Variants in MCM5 observed in about 807,000 individuals in gnomAD.
The protein encoded by MCM5 is minichromosome maintenance complex component 5.
A neutral mutation model predicts 79.9 loss-of-function variants in MCM5; 46 were observed. The ratio of observed to expected loss-of-function variants is 0.58; its 90% CI spans 0.45 to 0.74. The LOEUF (loss-of-function observed/expected upper bound fraction) is 0.74, where lower values mean the gene tolerates loss of function less well. Ranked by LOEUF, MCM5 falls within the 30% of genes least tolerant of loss-of-function variation. The probability of loss-of-function intolerance (pLI) is 0.00; values close to 1 mark genes in which losing one functional copy is unlikely to be tolerated. For missense variants in MCM5, 883 were observed against 1,017.0 expected, an observed-to-expected ratio of 0.87 and a Z score of 1.79; for synonymous variants, 404 against 390.5, an observed-to-expected ratio of 1.03 and a Z score of -0.41.
intron 4 of MCM5, among the ~76,000 whole-genome samples, chr22:35,405,452 T>G (rs1349496871): frequency 6.6e-6 from 1 of 152,116 alleles, no homozygotes; most frequent in Non-Finnish European, 1.5e-5. Flanking sequence ...CTGTAACCCC[T>G]GCTTCCCCGG....
downstream of MCM5, among the ~76,000 whole-genome samples, chr22:35,430,157 G>A (rs754161836): frequency 1.3e-5 from 2 of 152,222 alleles, no homozygotes; most frequent in Non-Finnish European, 2.9e-5. Context: ...GGCCTGCAGA[G>A]AATGGGAGAG....
At chr22:35,454,807 G>A in the MCM5 span, among the ~76,000 whole-genome samples, 1 of 152,080 alleles carries the variant, frequency 6.6e-6, no homozygotes, top group African/African-American at 2.4e-5. Flanking sequence ...TTTGGGCCTG[G>A]ATAAGTCTCC....
intron 1 of MCM5, 96 bp from the exon 2 acceptor site, chr22:35,400,335 C>G (rs1931998609): frequency 1.4e-6 from 2 of 1,427,544 alleles, no homozygotes; most frequent in Non-Finnish European, 2.0e-6. Flanking sequence ...CCGGGGGTCC[C>G]CCTGCTCCGG....
Position 35,424,404 on chromosome 22 carries a change from C to G in MCM5, c.*149C>G. 1.6e-6 allele frequency: 1 copy of G among 608,750 alleles called. No homozygotes were observed. The highest frequency in any genetic ancestry group is 2.8e-6 in the Non-Finnish European group (1 of 355,484). 37.7% of individuals were successfully genotyped at this position (608,750 alleles called of 1,614,324 possible). A position where few individuals can be genotyped will look rare whatever the true frequency, so the allele number is the denominator to read the frequency against. On this transcript the variant is annotated 3_prime_UTR_variant, in exon 17 of 17. Transcript: ENST00000216122. Reference sequence around the variant, plus strand: ...CTCCTTTCTGCCCCAGAGGAAGGAGCTGTAGTGTCCTGCTGCCTCTGGGCG... The same window carrying G: ...CTCCTTTCTGCCCCAGAGGAAGGAGGTGTAGTGTCCTGCTGCCTCTGGGCG...
At position 35,403,585 on chromosome 22, in the gene MCM5, T is replaced by C. The variant is rs766349035; in HGVS notation, c.423+43T>C. ...GGCTGCTGCATGGTGCAGAGGGCTT[T>C]GGATGCAGCCAGACCTGAGTGCTAG... On this transcript the variant is annotated intron_variant, in intron 4 of 16. Transcript: ENST00000216122. The C allele has an allele frequency of 5.0e-6, 8 of 1,604,706 alleles. No homozygotes were observed. In the East Asian group the frequency reaches 1.3e-4, roughly 27 times the overall value.
chr22:35,431,447 G>C, the MCM5 span, among the ~76,000 whole-genome samples: 1 of 152,164 alleles, frequency 6.6e-6, no homozygotes, highest in Non-Finnish European at 1.5e-5. Flanking sequence ...GAAATATTCA[G>C]TTCAAATATA....
At chr22:35,437,613 T>C in the MCM5 span, among the ~76,000 whole-genome samples, 2 of 152,174 alleles carry the variant, frequency 1.3e-5, no homozygotes, top group Non-Finnish European at 2.9e-5. Context: ...CCTGACCTTG[T>C]AACTGAAAGG....
In MCM5 at chr22:35,416,645, TCAC is replaced by T. The variant is rs765051286; in HGVS notation, c.1429_1431del (p.Thr477del). ...TCGTCTGTCGCCTGTTAGGCTGGGA[TCAC>T]CACCACCCTGAACTCCCGCTGCTCC... On this transcript the variant is annotated inframe_deletion, in exon 12 of 17. Coordinates refer to ENST00000216122, the MANE Select transcript of MCM5 (RefSeq NM_006739.4). The T allele has an allele frequency of 6.2e-7, 1 of 1,612,914 alleles. No individual in the cohort carries two copies. Among genetic ancestry groups the T allele is most frequent in the Non-Finnish European group, 8.5e-7 (1 of 1,179,360 alleles).
At chr22:35,421,495 C>G (rs746130631) in intron 15 of MCM5, 35 bp downstream of exon 15, 3 of 1,613,350 alleles carry the variant, frequency 1.9e-6, no homozygotes, top group Non-Finnish European at 2.5e-6. Context: ...CTCAATTGAT[C>G]TGGGTTCCCT....
At chr22:35,416,124 C>T in intron 10 of MCM5, 152 bp downstream of exon 10, 2 of 1,056,298 alleles carry the variant, frequency 1.9e-6, no homozygotes, top group Non-Finnish European at 2.8e-6. Flanking sequence ...AGCTGCTTAA[C>T]CTCTTCAAGC....
Position 35,415,811 on chromosome 22 carries a change from A to G in MCM5, c.1204-18A>G, listed in dbSNP as rs1932523043. 6.2e-7 allele frequency: 1 copy of G among 1,605,974 alleles called. No individual in the cohort carries two copies. The highest frequency in any genetic ancestry group is 8.5e-7 in the Non-Finnish European group (1 of 1,174,788). ...CATGGAGTTGTTATTGGGCCCTGAC[A>G]CCACCCCACTGCCCCAGGTATACAC... is the stretch of plus-strand genomic sequence containing the variant. On this transcript the variant is annotated intron_variant, in intron 9 of 16. Transcript: ENST00000216122.
the MCM5 span, among the ~76,000 whole-genome samples, chr22:35,431,601 C>T: frequency 6.6e-6 from 1 of 152,144 alleles, no homozygotes; most frequent in East Asian, 1.9e-4. Context: ...TGATATAGGA[C>T]TCATCAAATC....
chr22:35,435,956 C>T, the MCM5 span, among the ~76,000 whole-genome samples: 43 of 151,994 alleles, frequency 2.8e-4, no homozygotes, highest in South Asian at 2.1e-4. Context: ...CACCTGAGGT[C>T]GGGAGTTCAA....
rs1932759274 is a variant in MCM5 at position 35,424,490 on chromosome 22, G to T, written c.*235G>T. 1.5e-5 allele frequency: 7 copies of T among 462,742 alleles called. No homozygotes were observed. The South Asian group carries it at 1.8e-4, about 12-fold the overall frequency. The allele number at this position is 462,742 out of a possible 1,614,324, so 28.7% of individuals were successfully genotyped here. A position where few individuals can be genotyped will look rare whatever the true frequency, so the allele number is the denominator to read the frequency against. On this transcript the variant is annotated 3_prime_UTR_variant, in exon 17 of 17. Transcript: ENST00000216122. ...GGCATCCGTTAATAATAAAGCCACG[G>T]TGTGTTCAGGTATCTGTGGGTTTGT...
rs549284440 is a variant in MCM5, at chr22:35,417,683, G to T, written c.1591-61G>T. On this transcript the variant is annotated intron_variant, in intron 12 of 16. Coordinates refer to ENST00000216122, the MANE Select transcript of MCM5 (RefSeq NM_006739.4). ...AGCTCTTTCTGGCTGTTCCACCTCAGTGCTGGGACTCAGGCTTGGGACGGC... is the reference window on the plus strand; with the variant it reads ...AGCTCTTTCTGGCTGTTCCACCTCATTGCTGGGACTCAGGCTTGGGACGGC... 8.9e-5 allele frequency: 107 copies of T among 1,207,410 alleles called. 3 individuals carry two copies. The South Asian group carries it at 1.3e-3, about 15-fold the overall frequency. The allele number at this position is 1,207,410 out of a possible 1,614,324, so 74.8% of individuals were successfully genotyped here.
intron 6 of MCM5, 25 bp from the exon 7 acceptor site, chr22:35,410,719 C>A: frequency 2.5e-6 from 4 of 1,611,368 alleles, no homozygotes; most frequent in Non-Finnish European, 3.4e-6. Flanking sequence ...CAGCTTTTCT[C>A]CTTTCTCCTC....
intron 2 of MCM5, among the ~76,000 whole-genome samples, chr22:35,402,156 C>T (rs1198182765): frequency 1.3e-5 from 2 of 152,058 alleles, no homozygotes; most frequent in Admixed American, 6.6e-5. Flanking sequence ...GTAATTCCGA[C>T]GCTTTGGGAG....
At chr22:35,449,847 T>C in the MCM5 span, among the ~76,000 whole-genome samples, 1 of 152,178 alleles carries the variant, frequency 6.6e-6, no homozygotes, top group Admixed American at 6.5e-5. Context: ...AGTGACACAA[T>C]CACTGTTCAC....
At position 35,403,243 on chromosome 22, in the gene MCM5, C is replaced by T. The variant is rs375291710; in HGVS notation, c.204C>T (p.Tyr68=). ...ELKRHYNLGE[Y]WIEVEMEDLA... ...AGCGGCATTACAACCTGGGGGAGTA[C>T]TGGATTGAGGTGGAGATGGAGGATC... Residue 68 remains tyrosine (Y), a synonymous_variant, in exon 3 of 17, where the codon TAC becomes TAT. Transcript: ENST00000216122. 1.7e-5 allele frequency: 27 copies of T among 1,613,998 alleles called. No individual in the cohort carries two copies. Among genetic ancestry groups the T allele is most frequent in the East Asian group, 4.5e-5 (2 of 44,880 alleles).
Sources: gnomAD v4.1 joint callset for allele counts (sites outside exome capture counted in the v4.1 genomes callset) on GRCh38, gnomAD v4.1.1 for gene constraint, MANE v1.5 for transcripts, NCBI Gene and HGNC (gene_info 2026-07-23, HGNC 2026-07-21) for gene names.